Variants in ZSCAN1 observed in about 807,000 individuals in gnomAD.
ZSCAN1 encodes the protein zinc finger and SCAN domain containing 1, also known as zinc finger and SCAN domain-containing protein 1.
A neutral mutation model predicts 23.8 loss-of-function variants in ZSCAN1; 23 were observed. That is an observed-to-expected ratio of 0.97 (90% confidence interval 0.70 to 1.37). The LOEUF (loss-of-function observed/expected upper bound fraction) is 1.37. Among genes scored for constraint, ZSCAN1 ranks in the 40% most tolerant of loss-of-function variants. The pLI, the probability that ZSCAN1 is intolerant of heterozygous loss-of-function variation, is 0.00. For missense variants in ZSCAN1, 575 were observed against 554.0 expected (o/e 1.04, Z -0.38); for synonymous variants, 236 against 232.3 (o/e 1.02, Z -0.15).
chr19:58,044,883 G>C lies in ZSCAN1; in HGVS notation c.465+4339G>C, dbSNP rs988865569. ...CCTCTGTGGGTTTTGTGGTCCTGGG[G>C]CCTCGGTGCCTTCCTGCCCGCGGCT... On this transcript the variant is annotated intron_variant, in intron 4 of 5. Coordinates refer to ENST00000282326, the MANE Select transcript of ZSCAN1 (RefSeq NM_182572.4). The C allele has an allele frequency of 5.1e-5, 40 of 785,398 alleles. No homozygotes were observed. In the African/African-American group the frequency reaches 5.9e-4, roughly 12 times the overall value. 48.7% of individuals were successfully genotyped at this position (785,398 alleles called of 1,614,324 possible). A position where few individuals can be genotyped will look rare whatever the true frequency, so the allele number is the denominator to read the frequency against.
At chr19:58,038,807 C>A (rs1383082642) in intron 3 of ZSCAN1, among the ~76,000 whole-genome samples, 1 of 152,250 alleles carries the variant, frequency 6.6e-6, no homozygotes, top group African/African-American at 2.4e-5. Context: ...GGGGCTCTTT[C>A]TTTCCTAGTG....
intron 4 of ZSCAN1, among the ~76,000 whole-genome samples, chr19:58,052,222 A>G (rs1252635892): frequency 1.3e-5 from 2 of 152,238 alleles, no homozygotes; most frequent in African/African-American, 4.8e-5. Context: ...ATTCTGTCTC[A>G]GGTCCTGTTA....
rs762756499 is a variant in ZSCAN1, at chr19:58,053,602, C to G, written c.778C>G (p.Arg260Gly). 1.9e-6 allele frequency: 3 copies of G among 1,614,076 alleles called. No individual in the cohort carries two copies. In the African/African-American group the frequency reaches 4.0e-5, roughly 22 times the overall value. The change falls in exon 6 of 6, where the codon CGC (arginine) becomes GGC (glycine). Residue 260 changes from arginine to glycine, a missense_variant. Transcript: ENST00000282326. The surrounding 1 kb of genome is among the most constrained non-coding windows in gnomAD (Gnocchi z 5.8). ...AAACAGGAACACTGACCAGAGCGGC[C>G]GCCACCAGCCATCCCTCAAGCACAC... ...RRNRNTDQSG[R>G]HQPSLKHTKG... is the part of the protein sequence containing the mutation.
chr19:58,035,825 A>G (rs1961405930), intron 1 of ZSCAN1, 145 bp from the exon 2 acceptor site: 1 of 152,226 alleles, frequency 6.6e-6, no homozygotes, highest in African/African-American at 2.4e-5. Context: ...CGAGAACTGC[A>G]GAGTGTATGA....
intron 5 of ZSCAN1, 139 bp downstream of exon 5, chr19:58,052,767 C>T: frequency 7.9e-7 from 1 of 1,273,496 alleles, no homozygotes; most frequent in Non-Finnish European, 1.1e-6. Flanking sequence ...ATGCACACCT[C>T]CTGTGAGGAC....
chr19:58,034,223 C>T (rs2073715441), intron 1 of ZSCAN1, 62 bp downstream of exon 1: 1 of 151,240 alleles, frequency 6.6e-6, no homozygotes. Context: ...GACGCCCACC[C>T]GGGAGGGTCT....
rs182485600 is a variant in ZSCAN1, at chr19:58,040,879, C to T, written c.465+335C>T. Among the ~76,000 whole-genome samples, 7 of 152,302 alleles carry T rather than the reference C, an allele frequency of 4.6e-5. No homozygotes were observed. Among genetic ancestry groups the T allele is most frequent in the South Asian group, 2.1e-4 (1 of 4,828 alleles). On this transcript the variant is annotated intron_variant, in intron 4 of 5. Coordinates refer to ENST00000282326, the MANE Select transcript of ZSCAN1 (RefSeq NM_182572.4). This position sits in a 1 kb window ranked among gnomAD's most constrained non-coding sequence, Gnocchi z 5.8. ...GTGTGTTGAGAAAGTCCTGCTGCCCCGATCATCTTCCCTCAGTGAACCCAG... is the reference window on the plus strand; with the variant it reads ...GTGTGTTGAGAAAGTCCTGCTGCCCTGATCATCTTCCCTCAGTGAACCCAG...
chr19:58,046,469 C>T, intron 4 of ZSCAN1: 1 of 848,228 alleles, frequency 1.2e-6, no homozygotes, highest in Non-Finnish European at 2.1e-6. Flanking sequence ...AGCAAGCTGG[C>T]CCCGGCCAAG....
downstream of ZSCAN1, among the ~76,000 whole-genome samples, chr19:58,055,651 C>CG (rs1304334261): frequency 6.6e-6 from 1 of 152,216 alleles, no homozygotes; most frequent in Admixed American, 6.5e-5. Flanking sequence ...TCTCAGACAA[C>CG]GGGATGTGTA....
Position 58,040,083 on chromosome 19 carries a change from C to T in ZSCAN1, c.371-367C>T, listed in dbSNP as rs2073775249. ...GTCAATGGTGTCCTGAACCCTGCTT[C>T]AGCAGTCGTCCTCTGTGCACTCTGT... On this transcript the variant is annotated intron_variant, in intron 3 of 5. Coordinates refer to ENST00000282326, the MANE Select transcript of ZSCAN1 (RefSeq NM_182572.4). This position sits in a 1 kb window ranked among gnomAD's most constrained non-coding sequence, Gnocchi z 5.8. Among the ~76,000 whole-genome samples the T allele has an allele frequency of 6.6e-6, 1 of 152,162 alleles. No homozygotes were observed. Among genetic ancestry groups the T allele is most frequent in the African/African-American group, 2.4e-5 (1 of 41,442 alleles).
intron 5 of ZSCAN1, among the ~76,000 whole-genome samples, chr19:58,052,944 G>C (rs2073867740): frequency 6.8e-6 from 1 of 146,162 alleles, no homozygotes; most frequent in African/African-American, 2.5e-5. Context: ...TGTGGGATCT[G>C]CTCCCAAAAC....
chr19:58,038,202 G>A lies in ZSCAN1; in HGVS notation c.366G>A (p.Gln122=), dbSNP rs2123420312. The part of the protein sequence containing the change: ...LVEDLTQMCQ[Q]EVLVSLDSVE... ...AGGACCTCACACAGATGTGCCAGCAGGAAGGTGAGAGGCGCAGGCTTCCTG... is the reference window on the plus strand; with the variant it reads ...AGGACCTCACACAGATGTGCCAGCAAGAAGGTGAGAGGCGCAGGCTTCCTG... Residue 122 remains glutamine (Q), a synonymous_variant, in exon 3 of 6, where the codon CAG becomes CAA. Coordinates refer to ENST00000282326, the MANE Select transcript of ZSCAN1 (RefSeq NM_182572.4). 1 of 1,604,776 alleles carries A rather than the reference G, an allele frequency of 6.2e-7. No homozygotes were observed. The highest frequency in any genetic ancestry group is 8.5e-7 in the Non-Finnish European group (1 of 1,177,410).
At chr19:58,055,415 C>T (rs1389487591), downstream of ZSCAN1, among the ~76,000 whole-genome samples, 1 of 152,246 alleles carries the variant, frequency 6.6e-6, no homozygotes, top group Non-Finnish European at 1.5e-5. Context: ...CCGGCTCCCT[C>T]AGGCATCCCC....
In ZSCAN1 at chr19:58,045,808, C is replaced by A. The variant is rs2073821582; in HGVS notation, c.465+5264C>A. On this transcript the variant is annotated intron_variant, in intron 4 of 5. Coordinates refer to ENST00000282326, the MANE Select transcript of ZSCAN1 (RefSeq NM_182572.4). This position sits in a 1 kb window ranked among gnomAD's most constrained non-coding sequence, Gnocchi z 4.3. Reference sequence around the variant, plus strand: ...GCATCAGGAGATCCCCACATCGCTGCTCATCCTGTCCCGGACCATGTAGCT... The same window carrying A: ...GCATCAGGAGATCCCCACATCGCTGATCATCCTGTCCCGGACCATGTAGCT... 2.6e-6 allele frequency: 4 copies of A among 1,545,596 alleles called. No individual in the cohort carries two copies. Among genetic ancestry groups the A allele is most frequent in the Admixed American group, 1.7e-5 (1 of 59,802 alleles).
chr19:58,042,311 G>A (rs1387698236), intron 4 of ZSCAN1, among the ~76,000 whole-genome samples: 1 of 151,438 alleles, frequency 6.6e-6, no homozygotes, highest in Non-Finnish European at 1.5e-5. Flanking sequence ...AGGCTGGAGT[G>A]CAGTGGCGCG....
Position 58,045,017 on chromosome 19 carries a change from C to T in ZSCAN1, c.465+4473C>T, listed in dbSNP as rs1251750497. 4.3e-6 allele frequency: 5 copies of T among 1,157,054 alleles called. No individual in the cohort carries two copies. Among genetic ancestry groups the T allele is most frequent in the African/African-American group, 3.0e-5 (2 of 66,354 alleles). 71.7% of individuals were successfully genotyped at this position (1,157,054 alleles called of 1,614,324 possible). A position where few individuals can be genotyped will look rare whatever the true frequency, so the allele number is the denominator to read the frequency against. On this transcript the variant is annotated intron_variant, in intron 4 of 5. Transcript: ENST00000282326. This position sits in a 1 kb window ranked among gnomAD's most constrained non-coding sequence, Gnocchi z 4.3. The stretch of plus-strand genomic sequence containing the variant: ...GAAGGCGGCCCTGTGTACAGCGCCC[C>T]CGCAGAGATGGTGGTGAAGTCCCGG...
At chr19:58,050,292 T>C (rs2073850949) in intron 4 of ZSCAN1, among the ~76,000 whole-genome samples, 2 of 151,498 alleles carry the variant, frequency 1.3e-5, no homozygotes, top group Non-Finnish European at 2.9e-5. Context: ...AAAAATTAGC[T>C]GGGTGTGGTG....
chr19:58,051,093 CCT>C (rs1367531826), intron 4 of ZSCAN1, among the ~76,000 whole-genome samples: 4 of 152,232 alleles, frequency 2.6e-5, no homozygotes, highest in East Asian at 1.9e-4. Context: ...TCTGATGCCC[CCT>C]GAGAGTCAGG....
Position 58,045,450 on chromosome 19 carries a change from T to C in ZSCAN1, c.465+4906T>C. On this transcript the variant is annotated intron_variant, in intron 4 of 5. Coordinates refer to ENST00000282326, the MANE Select transcript of ZSCAN1 (RefSeq NM_182572.4). This position sits in a 1 kb window ranked among gnomAD's most constrained non-coding sequence, Gnocchi z 4.3. ...TGCCACCAAAGACTTCTCTGTGTTT[T>C]TCCAGAAGATCCGGGAGACGGGGGA... The C allele has an allele frequency of 3.4e-6, 4 of 1,178,290 alleles. No individual in the cohort carries two copies. The highest frequency in any genetic ancestry group is 5.1e-6 in the Non-Finnish European group (4 of 781,670). The allele number at this position is 1,178,290 out of a possible 1,614,324, so 73.0% of individuals were successfully genotyped here.
Sources: gnomAD v4.1 joint callset for allele counts (sites outside exome capture counted in the v4.1 genomes callset) on GRCh38, gnomAD v4.1.1 for gene constraint, Gnocchi (gnomAD v3.1) non-coding constraint, MANE v1.5 for transcripts, NCBI Gene and HGNC (gene_info 2026-07-23, HGNC 2026-07-21) for gene names.